OSMR: variants seen among roughly 807,000 people sequenced by gnomAD.
OSMR encodes the protein oncostatin-M-specific receptor subunit beta.
In OSMR, 81 loss-of-function variants were observed where a neutral mutation model predicts 99.9. The ratio of observed to expected loss-of-function variants is 0.81; its 90% confidence interval spans 0.68 to 0.97. The LOEUF (loss-of-function observed/expected upper bound fraction) is 0.97, where lower values mean the gene tolerates loss of function less well. Ranked by LOEUF, OSMR falls within the 50% of genes least tolerant of loss-of-function variation. The probability of loss-of-function intolerance (pLI) is 0.00; values close to 1 mark genes in which losing one functional copy is unlikely to be tolerated. For missense variants in OSMR, 1,099 were observed against 1,153.4 expected (o/e 0.95, Z 0.68); for synonymous variants, 406 against 410.4 (o/e 0.99, Z 0.13).
chr5:38,920,617 G>A (rs1270715631), intron 11 of OSMR, among the ~76,000 whole-genome samples: 1 of 152,150 alleles, frequency 6.6e-6, no homozygotes, highest in Non-Finnish European at 1.5e-5. Context: ...CTAGCTGGAT[G>A]ATATTTTGAT....
At chr5:38,849,281 C>T (rs17458741) in intron 1 of OSMR, among the ~76,000 whole-genome samples, 37,559 of 152,000 alleles carry the variant, frequency 0.25, 4,855 homozygotes, top group South Asian at 0.4. Context: ...TTGATAGATA[C>T]GAAGTGGAAG....
At chr5:38,890,671 A>G (rs1744097769) in intron 7 of OSMR, among the ~76,000 whole-genome samples, 1 of 151,550 alleles carries the variant, frequency 6.6e-6, no homozygotes, top group African/African-American at 2.4e-5. Flanking sequence ...TTTTGAAATT[A>G]GCAACAGTAG....
chr5:38,878,000 G>A (rs1409249008), intron 3 of OSMR, among the ~76,000 whole-genome samples: 3 of 152,036 alleles, frequency 2.0e-5, no homozygotes, highest in African/African-American at 4.8e-5. Flanking sequence ...CTATCGTGTT[G>A]TCCTCACAAC....
At chr5:38,893,153 C>T (rs958331381) in intron 7 of OSMR, among the ~76,000 whole-genome samples, 5 of 152,256 alleles carry the variant, frequency 3.3e-5, no homozygotes, top group Non-Finnish European at 7.3e-5. Flanking sequence ...GTGTCATCTA[C>T]TGGCCTATAG....
At chr5:38,930,917 A>ATT (rs1746699322) in intron 15 of OSMR, among the ~76,000 whole-genome samples, 4 of 118,598 alleles carry the variant, frequency 3.4e-5, no homozygotes, top group South Asian at 6.1e-4. Context: ...TTGCAGAAGC[A>ATT]TTTTGTGTGT....
chr5:38,877,711 C>T (rs1415848880), intron 3 of OSMR, among the ~76,000 whole-genome samples: 1 of 152,164 alleles, frequency 6.6e-6, no homozygotes, highest in Non-Finnish European at 1.5e-5. Flanking sequence ...AAAACTAGCA[C>T]TTAGCACCGT....
downstream of OSMR, among the ~76,000 whole-genome samples, chr5:38,936,956 T>A (rs149406769): frequency 1.8e-4 from 28 of 152,370 alleles, no homozygotes; most frequent in Middle Eastern, 0.01. Context: ...TGAAACAATA[T>A]TTTCCAAGTT....
At chr5:38,890,799 A>G (rs1249568591) in intron 7 of OSMR, among the ~76,000 whole-genome samples, 1 of 152,178 alleles carries the variant, frequency 6.6e-6, no homozygotes. Context: ...AAAAAATTCT[A>G]TAGTTGTAGT....
intron 9 of OSMR, among the ~76,000 whole-genome samples, chr5:38,914,109 G>GT (rs1169844568): frequency 6.6e-6 from 1 of 152,196 alleles, no homozygotes; most frequent in Non-Finnish European, 1.5e-5. Flanking sequence ...GGTTGTAACA[G>GT]TTTTCTAGGG....
chr5:38,884,180 A>G (rs2112390436), intron 5 of OSMR, 69 bp downstream of exon 5: 1 of 1,190,532 alleles, frequency 8.4e-7, no homozygotes, highest in Non-Finnish European at 1.3e-6. Context: ...CTCCTTTACT[A>G]GAAGACAAAT....
At chr5:38,857,256 T>C (rs1740926890) in intron 1 of OSMR, among the ~76,000 whole-genome samples, 1 of 152,232 alleles carries the variant, frequency 6.6e-6, no homozygotes, top group Admixed American at 6.5e-5. Context: ...CATCTGCTTT[T>C]AAATTTATGA....
intron 15 of OSMR, among the ~76,000 whole-genome samples, chr5:38,927,284 G>T (rs1746514215): frequency 6.6e-6 from 1 of 152,208 alleles, no homozygotes; most frequent in African/African-American, 2.4e-5. Flanking sequence ...AGGCAGTGGG[G>T]ATTCTCTGTG....
In OSMR at chr5:38,883,853, T is replaced by G. The variant is rs1743490810; in HGVS notation, c.445T>G (p.Leu149Val). The G allele has an allele frequency of 3.7e-6, 6 of 1,613,192 alleles. No individual in the cohort carries two copies. In the African/African-American group the frequency reaches 5.3e-5, roughly 14 times the overall value. Residue 149 changes from leucine (L) to valine (V), a missense_variant, in exon 5 of 18, where the codon TTG (leucine) becomes GTG (valine). Transcript: ENST00000274276. The part of the protein sequence containing the change: ...SVQDSTGQDI[L>V]FVFPKDKLVE... ...ACAAGATTCTACTGGACAGGATATATTGTTCGTTTTCCCTAAAGATAAGCT... is the reference window on the plus strand; with the variant it reads ...ACAAGATTCTACTGGACAGGATATAGTGTTCGTTTTCCCTAAAGATAAGCT...
At chr5:38,925,171 T>C (rs746831029) in intron 14 of OSMR, 33 bp from the exon 15 acceptor site, 11 of 1,612,636 alleles carry the variant, frequency 6.8e-6, no homozygotes, top group Non-Finnish European at 9.3e-6. Context: ...ATCTTTTTTT[T>C]CCTTGAAAAA....
intron 9 of OSMR, among the ~76,000 whole-genome samples, chr5:38,916,724 T>C (rs1333098367): frequency 2.0e-5 from 3 of 152,122 alleles, no homozygotes; most frequent in Non-Finnish European, 4.4e-5. Context: ...TCTACAAAGA[T>C]TTCTGAGTGA....
At chr5:38,888,744 A>G in intron 7 of OSMR, among the ~76,000 whole-genome samples, 1 of 152,196 alleles carries the variant, frequency 6.6e-6, no homozygotes. Flanking sequence ...TGCATCTCGT[A>G]AGTCCACAAG....
At chr5:38,855,697 A>T (rs1341522975) in intron 1 of OSMR, among the ~76,000 whole-genome samples, 2 of 131,658 alleles carry the variant, frequency 1.5e-5, no homozygotes, top group Non-Finnish European at 1.6e-5. Flanking sequence ...AACCCCCCCA[A>T]CCCCCACTGC....
Position 38,933,543 on chromosome 5 carries a change from G to C in OSMR, c.*99G>C, listed in dbSNP as rs1051977. 7.5e-7 allele frequency: 1 copy of C among 1,338,070 alleles called. No individual in the cohort carries two copies. The highest frequency in any genetic ancestry group is 1.1e-6 in the Non-Finnish European group (1 of 942,018). The allele number at this position is 1,338,070 out of a possible 1,614,324, so 82.9% of individuals were successfully genotyped here. ...TGGCCTTGGTCCTTAATCCCAGTACGATTTGCAGGTCTGGTTTATATAAGA... is the reference window on the plus strand; with the variant it reads ...TGGCCTTGGTCCTTAATCCCAGTACCATTTGCAGGTCTGGTTTATATAAGA... On this transcript the variant is annotated 3_prime_UTR_variant, in exon 18 of 18. Transcript: ENST00000274276.
chr5:38,863,109 C>T (rs1380525456), intron 1 of OSMR, among the ~76,000 whole-genome samples: 3 of 146,830 alleles, frequency 2.0e-5, no homozygotes, highest in Admixed American at 2.0e-4. Flanking sequence ...GCCGAGATGG[C>T]AGCAGTACAG....
Sources: allele counts gnomAD v4.1 joint callset (sites outside exome capture counted in the v4.1 genomes callset), GRCh38; gene constraint gnomAD v4.1.1; transcripts MANE v1.5; gene names NCBI Gene and HGNC (gene_info 2026-07-23, HGNC 2026-07-21).